Variants in PTPRN2 observed in about 807,000 individuals in gnomAD.
The protein encoded by PTPRN2 is receptor-type tyrosine-protein phosphatase N2.
Under a neutral mutation model 118.8 loss-of-function variants are expected in PTPRN2, and 74 were observed. That is an observed-to-expected ratio of 0.62 (90% confidence interval 0.52 to 0.76). PTPRN2 has a LOEUF of 0.76. PTPRN2 is among the 30% of genes least tolerant of loss of function. The pLI is 0.00. For synonymous variants in PTPRN2, 641 were observed against 608.0 expected (o/e 1.05, Z -0.80); for missense variants, 1,481 against 1,394.4 (o/e 1.06, Z -0.99).
At chr7:158,017,304 T>C (rs1806527806) in intron 11 of PTPRN2, among the ~76,000 whole-genome samples, 1 of 152,078 alleles carries the variant, frequency 6.6e-6, no homozygotes, top group African/African-American at 2.4e-5. Context: ...CTGGAATCAC[T>C]AGAGAGAGGC....
chr7:157,675,253 T>C (rs1405034007), intron 13 of PTPRN2, among the ~76,000 whole-genome samples: 2 of 152,148 alleles, frequency 1.3e-5, no homozygotes, highest in African/African-American at 4.8e-5. Context: ...TGGGCCCACC[T>C]GACCAGGGCT....
At chr7:157,684,487 C>T (rs993618606) in intron 12 of PTPRN2, among the ~76,000 whole-genome samples, 1 of 151,524 alleles carries the variant, frequency 6.6e-6, no homozygotes, top group African/African-American at 2.4e-5. Flanking sequence ...GGGAGCGGCC[C>T]GAACCCCGTT....
At chr7:158,336,800 C>A (rs1404993436) in intron 2 of PTPRN2, among the ~76,000 whole-genome samples, 1,643 of 97,932 alleles carry the variant, frequency 0.017, no homozygotes, top group African/African-American at 0.06. Context: ...TCACTCACAT[C>A]CACACTCTCA....
Position 158,555,606 on chromosome 7 carries a change from A to G in PTPRN2, c.112+31952T>C, listed in dbSNP as rs1426925733. On this transcript the variant is annotated intron_variant, in intron 1 of 22. Coordinates refer to ENST00000389418, the MANE Select transcript of PTPRN2 (RefSeq NM_002847.5). This position sits in a 1 kb window ranked among gnomAD's most constrained non-coding sequence, Gnocchi z 4.7. ...AACTGGCATCTTCCAGCTGTCCCCC[A>G]GACCCAGCCTCCCTCAGCTCCCATG... 6.6e-6 allele frequency among the ~76,000 whole-genome samples: 1 copy of G among 152,182 alleles called. No individual in the cohort carries two copies. Among genetic ancestry groups the G allele is most frequent in the Non-Finnish European group, 1.5e-5 (1 of 68,026 alleles).
chr7:158,013,079 A>G (rs1401522041), intron 11 of PTPRN2, among the ~76,000 whole-genome samples: 4 of 152,188 alleles, frequency 2.6e-5, no homozygotes, highest in African/African-American at 7.2e-5. Context: ...TATGACTCGT[A>G]AGGCCAGTGA....
chr7:158,277,841 G>A (rs985151436), intron 3 of PTPRN2, among the ~76,000 whole-genome samples: 3 of 152,188 alleles, frequency 2.0e-5, no homozygotes, highest in Non-Finnish European at 4.4e-5. Flanking sequence ...CCGCCTTCAG[G>A]GAGCAGCCCA....
chr7:158,442,080 T>C (rs966907372), intron 2 of PTPRN2, among the ~76,000 whole-genome samples: 4 of 149,734 alleles, frequency 2.7e-5, no homozygotes, highest in Non-Finnish European at 4.4e-5. Flanking sequence ...GTGGCAGTGG[T>C]GGTGATGGTG....
rs531002364 is a variant in PTPRN2 at position 158,152,284 on chromosome 7, A to T, written c.911-13769T>A. Among the ~76,000 whole-genome samples, 4 of 152,036 alleles carry T rather than the reference A, an allele frequency of 2.6e-5. No homozygotes were observed. The East Asian group carries it at 7.7e-4, about 29-fold the overall frequency. ...GGGGGCTGGAGCACTGCTCTTTCAT[A>T]CCGCACTGCCAGAGAAAGCCTCATT... On this transcript the variant is annotated intron_variant, in intron 6 of 22. Coordinates refer to ENST00000389418, the MANE Select transcript of PTPRN2 (RefSeq NM_002847.5).
chr7:157,972,518 C>T (rs1802407423), intron 11 of PTPRN2, among the ~76,000 whole-genome samples: 2 of 147,720 alleles, frequency 1.4e-5, no homozygotes. Flanking sequence ...GAACTCCACA[C>T]CACGAGAGCA....
intron 11 of PTPRN2, among the ~76,000 whole-genome samples, chr7:157,938,730 A>T (rs929728075): frequency 6.6e-6 from 1 of 152,266 alleles, no homozygotes; most frequent in Non-Finnish European, 1.5e-5. Context: ...TATCAAAGAT[A>T]CATTGTCCTT....
chr7:157,774,643 T>G lies in PTPRN2; in HGVS notation c.1789-91706A>C, dbSNP rs528831692. On this transcript the variant is annotated intron_variant, in intron 12 of 22. Coordinates refer to ENST00000389418, the MANE Select transcript of PTPRN2 (RefSeq NM_002847.5). ...CAAAAGTGGGCTCAGGGCTCAGAGCTGTAACTGCGGTTAAGGGGTTAGGAA... is the reference window on the plus strand; with the variant it reads ...CAAAAGTGGGCTCAGGGCTCAGAGCGGTAACTGCGGTTAAGGGGTTAGGAA... 3.3e-5 allele frequency among the ~76,000 whole-genome samples: 5 copies of G among 152,290 alleles called. No homozygotes were observed. The East Asian group carries it at 9.6e-4, about 29-fold the overall frequency.
At chr7:158,451,334 T>C (rs905060796) in intron 2 of PTPRN2, among the ~76,000 whole-genome samples, 4 of 152,220 alleles carry the variant, frequency 2.6e-5, no homozygotes, top group African/African-American at 4.8e-5. Context: ...TCTTTTTTAC[T>C]AAGAGTTATT....
intron 2 of PTPRN2, among the ~76,000 whole-genome samples, chr7:158,476,406 C>T (rs1563338190): frequency 1.3e-5 from 2 of 152,242 alleles, no homozygotes; most frequent in African/African-American, 2.4e-5. Context: ...TCAATGACGC[C>T]GATGCGCACA....
At chr7:157,551,768 TGCACCCCACAGCCAGCAC>T (rs1798633422) in intron 21 of PTPRN2, among the ~76,000 whole-genome samples, 1 of 14,476 alleles carries the variant, frequency 6.9e-5, no homozygotes, top group African/African-American at 2.1e-4. Flanking sequence ...ACAGCCACCA[TGCACCCCACAGCCAGCAC>T]GCACCCCACA....
chr7:158,123,888 C>T (rs111579916), intron 9 of PTPRN2, among the ~76,000 whole-genome samples: 2,682 of 152,108 alleles, frequency 0.018, 71 homozygotes, highest in African/African-American at 0.053. Flanking sequence ...TCTCAGATCC[C>T]GTGCCGACCC....
In PTPRN2 at chr7:158,517,825, T is replaced by C. The variant is rs1363164500; in HGVS notation, c.113-28040A>G. On this transcript the variant is annotated intron_variant, in intron 1 of 22. Coordinates refer to ENST00000389418, the MANE Select transcript of PTPRN2 (RefSeq NM_002847.5). This position sits in a 1 kb window ranked among gnomAD's most constrained non-coding sequence, Gnocchi z 5.3. ...TCCCCAGGCACCTCCATCCCCTTCG[T>C]CACACATCCCACACACCCCGGTTTG... is the stretch of plus-strand genomic sequence containing the variant. Among the ~76,000 whole-genome samples the C allele has an allele frequency of 6.6e-6, 1 of 152,112 alleles. No individual in the cohort carries two copies. The highest frequency in any genetic ancestry group is 3.4e-3 in the Middle Eastern group (1 of 294).
intron 11 of PTPRN2, among the ~76,000 whole-genome samples, chr7:158,048,899 C>CGATGATATCATCACCATCACCAT: frequency 8.4e-6 from 1 of 118,906 alleles, no homozygotes; most frequent in South Asian, 3.1e-4. Flanking sequence ...ACCATCATCA[C>CGATGATATCATCACCATCACCAT]CATATCACCA....
At chr7:158,441,097 G>A (rs961923120) in intron 2 of PTPRN2, among the ~76,000 whole-genome samples, 3 of 144,286 alleles carry the variant, frequency 2.1e-5, no homozygotes, top group African/African-American at 8.2e-5. Flanking sequence ...GTAGTGATAG[G>A]GGTGGTAGTG....
chr7:158,205,514 G>T lies in PTPRN2; in HGVS notation c.278-241C>A, dbSNP rs1053624766. 5.3e-5 allele frequency among the ~76,000 whole-genome samples: 8 copies of T among 152,176 alleles called. No homozygotes were observed. The East Asian group carries it at 1.5e-3, about 29-fold the overall frequency. Reference sequence around the variant, plus strand: ...AATAGTAATAAAAAGGCTTGGGTGAGAGTGGAGAAAGCTGGCCAAATAGAA... The same window carrying T: ...AATAGTAATAAAAAGGCTTGGGTGATAGTGGAGAAAGCTGGCCAAATAGAA... On this transcript the variant is annotated intron_variant, in intron 3 of 22. Transcript: ENST00000389418.
Sources: gnomAD v4.1 joint callset for allele counts (sites outside exome capture counted in the v4.1 genomes callset) on GRCh38, gnomAD v4.1.1 for gene constraint, Gnocchi (gnomAD v3.1) non-coding constraint, MANE v1.5 for transcripts, NCBI Gene and HGNC (gene_info 2026-07-23, HGNC 2026-07-21) for gene names.